Variants in TMEM132B observed in about 807,000 individuals in gnomAD.
TMEM132B encodes the protein transmembrane protein 132B.
Under a neutral mutation model 90.8 loss-of-function variants are expected in TMEM132B, and 18 were observed. The observed-to-expected ratio is 0.20, with a 90% CI of 0.14 to 0.29. The LOEUF (loss-of-function observed/expected upper bound fraction) is 0.29. TMEM132B is among the 10% of genes least tolerant of loss of function. The probability of loss-of-function intolerance (pLI) is 1.00; values close to 1 mark genes in which losing one functional copy is unlikely to be tolerated. For missense variants in TMEM132B, 1,096 were observed against 1,326.8 expected, an observed-to-expected ratio of 0.83 and a Z score of 2.70; for synonymous variants, 504 against 523.3, an observed-to-expected ratio of 0.96 and a Z score of 0.50.
In TMEM132B at chr12:125,370,417, T is replaced by C. The variant is rs571360312; in HGVS notation, c.959+20074T>C. Among the ~76,000 whole-genome samples, 16 of 152,338 alleles carry C rather than the reference T, an allele frequency of 1.1e-4. No homozygotes were observed. The South Asian group carries it at 3.3e-3, about 32-fold the overall frequency. Reference sequence around the variant, plus strand: ...ACGTGCATCCAAGTCTGCCCTTCTTTAAGGAACATTCCTGGAATTGTCAAC... The same window carrying C: ...ACGTGCATCCAAGTCTGCCCTTCTTCAAGGAACATTCCTGGAATTGTCAAC... On this transcript the variant is annotated intron_variant, in intron 2 of 8. Transcript: ENST00000682704.
At chr12:125,595,625 A>C (rs1885421230) in intron 5 of TMEM132B, among the ~76,000 whole-genome samples, 1 of 152,210 alleles carries the variant, frequency 6.6e-6, no homozygotes, top group Non-Finnish European at 1.5e-5. Flanking sequence ...TGATACTCAA[A>C]ATAATCCTGT....
At chr12:125,436,730 C>A (rs1040922355) in intron 3 of TMEM132B, among the ~76,000 whole-genome samples, 3 of 152,138 alleles carry the variant, frequency 2.0e-5, no homozygotes, top group Non-Finnish European at 4.4e-5. Flanking sequence ...TGGTTAAAGC[C>A]ACTCAATTGG....
At position 125,186,476 on chromosome 12, in the gene TMEM132B, G is replaced by C. The variant is rs919135752; in HGVS notation, c.-324G>C. ...GCGCGACCGGGATGGGACGGGCGCT[G>C]GGGCGCAGGAGCCGCGGCGGCGGCG... is the stretch of plus-strand genomic sequence containing the variant. On this transcript the variant is annotated 5_prime_UTR_variant, in exon 1 of 9. Transcript: ENST00000682704. The surrounding 1 kb of genome is among the most constrained non-coding windows in gnomAD (Gnocchi z 6.3). Among the ~76,000 whole-genome samples the C allele has an allele frequency of 2.2e-4, 32 of 146,354 alleles. No homozygotes were observed. Among genetic ancestry groups the C allele is most frequent in the Admixed American group, 6.8e-4 (10 of 14,708 alleles).
At chr12:125,621,107 G>A (rs1338952549) in intron 5 of TMEM132B, among the ~76,000 whole-genome samples, 1 of 152,194 alleles carries the variant, frequency 6.6e-6, no homozygotes, top group Non-Finnish European at 1.5e-5. Flanking sequence ...TGCCAGGTGT[G>A]CCAGAGACAC....
At chr12:125,556,404 A>G (rs1456061577) in intron 4 of TMEM132B, among the ~76,000 whole-genome samples, 2 of 152,228 alleles carry the variant, frequency 1.3e-5, no homozygotes, top group Admixed American at 6.5e-5. Flanking sequence ...AACATAGTTC[A>G]TGGGAAGAGC....
At chr12:125,530,375 A>G (rs1369311846) in intron 4 of TMEM132B, among the ~76,000 whole-genome samples, 1 of 151,842 alleles carries the variant, frequency 6.6e-6, no homozygotes, top group Non-Finnish European at 1.5e-5. Flanking sequence ...GTAAAGCTCC[A>G]TCTGGTTTGG....
At chr12:125,280,683 C>T (rs541723921) in intron 1 of TMEM132B, among the ~76,000 whole-genome samples, 1 of 152,336 alleles carries the variant, frequency 6.6e-6, no homozygotes, top group South Asian at 2.1e-4. Context: ...CCAGAGTAGT[C>T]ACATGACCCC....
At chr12:125,573,380 C>T (rs952665554) in intron 4 of TMEM132B, among the ~76,000 whole-genome samples, 1 of 152,176 alleles carries the variant, frequency 6.6e-6, no homozygotes, top group Non-Finnish European at 1.5e-5. Flanking sequence ...AATTTTCTAG[C>T]AGTGAGAATC....
chr12:125,328,732 C>T (rs1215247170), intron 1 of TMEM132B, among the ~76,000 whole-genome samples: 2 of 152,184 alleles, frequency 1.3e-5, no homozygotes, highest in Non-Finnish European at 2.9e-5. Flanking sequence ...AAGTAAGGTT[C>T]CAGGTGGATG....
intron 5 of TMEM132B, among the ~76,000 whole-genome samples, chr12:125,593,369 G>C (rs1257853390): frequency 1.3e-5 from 2 of 152,148 alleles, no homozygotes; most frequent in Non-Finnish European, 2.9e-5. Flanking sequence ...CAACACTCTG[G>C]AATTGTTTCT....
At chr12:125,265,009 G>A (rs1874653551) in intron 1 of TMEM132B, among the ~76,000 whole-genome samples, 1 of 152,186 alleles carries the variant, frequency 6.6e-6, no homozygotes, top group Admixed American at 6.5e-5. Flanking sequence ...TACAGACCCA[G>A]GTGGTAGAGC....
intron 1 of TMEM132B, among the ~76,000 whole-genome samples, chr12:125,287,622 CA>C (rs1875397868): frequency 6.6e-6 from 1 of 152,066 alleles, no homozygotes; most frequent in Non-Finnish European, 1.5e-5. Context: ...AGTAGAAGGA[CA>C]AAAAACGCAA....
intron 2 of TMEM132B, among the ~76,000 whole-genome samples, chr12:125,357,989 T>C (rs559602495): frequency 6.6e-6 from 1 of 152,342 alleles, no homozygotes; most frequent in East Asian, 1.9e-4. Flanking sequence ...CCCGGTGCCC[T>C]GGAGGCTGCC....
At chr12:125,639,810 C>T (rs556608872) in intron 5 of TMEM132B, among the ~76,000 whole-genome samples, 76 of 152,316 alleles carry the variant, frequency 5.0e-4, no homozygotes, top group Non-Finnish European at 1.0e-3. Context: ...TCCGGGAATG[C>T]ATTCTGAGGG....
intron 4 of TMEM132B, among the ~76,000 whole-genome samples, chr12:125,541,213 A>G (rs553206873): frequency 6.6e-6 from 1 of 152,300 alleles, no homozygotes; most frequent in Non-Finnish European, 1.5e-5. Flanking sequence ...ACATTTTGCT[A>G]TATCTTTCGC....
chr12:125,239,170 A>G (rs773584332), intron 1 of TMEM132B, among the ~76,000 whole-genome samples: 1 of 151,992 alleles, frequency 6.6e-6, no homozygotes, highest in Non-Finnish European at 1.5e-5. Context: ...AGAAAGAAAG[A>G]TGAGATGAAG....
intron 1 of TMEM132B, among the ~76,000 whole-genome samples, chr12:125,322,149 C>T (rs187544753): frequency 2.6e-5 from 4 of 152,280 alleles, no homozygotes; most frequent in East Asian, 1.9e-4. Flanking sequence ...GGGAGGGACC[C>T]GGTGAGAGGT....
At chr12:125,477,084 C>T (rs1474484590) in intron 3 of TMEM132B, among the ~76,000 whole-genome samples, 1 of 152,110 alleles carries the variant, frequency 6.6e-6, no homozygotes, top group East Asian at 1.9e-4. Context: ...AACATTACTG[C>T]AATTCTGATT....
rs1873282306 is a variant in TMEM132B, at chr12:125,209,961, A to G, written c.67+23095A>G. 6.6e-6 allele frequency among the ~76,000 whole-genome samples: 1 copy of G among 152,118 alleles called. No individual in the cohort carries two copies. Among genetic ancestry groups the G allele is most frequent in the Non-Finnish European group, 1.5e-5 (1 of 68,018 alleles). On this transcript the variant is annotated intron_variant, in intron 1 of 8. Transcript: ENST00000682704. This position sits in a 1 kb window ranked among gnomAD's most constrained non-coding sequence, Gnocchi z 4.4. Reference sequence around the variant, plus strand: ...TTGGTCATTCATTCATTCATTCAACAGGTATTAATGCAATGGAGTCTCCTC... The same window carrying G: ...TTGGTCATTCATTCATTCATTCAACGGGTATTAATGCAATGGAGTCTCCTC...
Sources: gnomAD v4.1 joint callset for allele counts (sites outside exome capture counted in the v4.1 genomes callset) on GRCh38, gnomAD v4.1.1 for gene constraint, Gnocchi (gnomAD v3.1) non-coding constraint, MANE v1.5 for transcripts, NCBI Gene and HGNC (gene_info 2026-07-23, HGNC 2026-07-21) for gene names.